Variants in RPH3A observed in about 807,000 individuals in gnomAD.
RPH3A encodes rabphilin 3A, also known as rabphilin-3A.
RPH3A carries 48 observed loss-of-function variants against 102.2 expected under a neutral mutation model. That is an observed-to-expected ratio of 0.47 (90% CI 0.37 to 0.60). The LOEUF is 0.60. Among genes scored for constraint, RPH3A ranks in the 20% least tolerant of loss-of-function variants. RPH3A has a pLI of 0.00. For missense variants in RPH3A, 781 were observed against 910.1 expected (o/e 0.86, Z 1.83); for synonymous variants, 310 against 324.3 (o/e 0.96, Z 0.47).
intron 2 of RPH3A, 47 bp from the exon 3 acceptor site, chr12:112,828,254 G>A: frequency 3.1e-6 from 4 of 1,307,834 alleles, no homozygotes; most frequent in Non-Finnish European, 3.3e-6. Flanking sequence ...GAACTAAGGA[G>A]TGGCTGAATG....
intron 1 of RPH3A, among the ~76,000 whole-genome samples, chr12:112,611,626 A>G (rs538703252): frequency 1.3e-5 from 2 of 152,080 alleles, no homozygotes; most frequent in Middle Eastern, 3.4e-3. Context: ...TTTGGTAGAG[A>G]TTGGGAGGGG....
At chr12:112,888,429 A>G (rs1030782349) in intron 17 of RPH3A, among the ~76,000 whole-genome samples, 1 of 152,276 alleles carries the variant, frequency 6.6e-6, no homozygotes, top group African/African-American at 2.4e-5. Context: ...CCTGTCAGTC[A>G]TGAAGTCAGA....
intron 10 of RPH3A, among the ~76,000 whole-genome samples, chr12:112,873,433 T>G (rs1317717668): frequency 6.6e-6 from 1 of 152,158 alleles, no homozygotes; most frequent in Non-Finnish European, 1.5e-5. Context: ...TAAAACAAAT[T>G]CCCAGTAAAA....
At chr12:112,805,037 A>C (rs573916440) in intron 2 of RPH3A, among the ~76,000 whole-genome samples, 6,632 of 152,150 alleles carry the variant, frequency 0.044, 460 homozygotes, top group African/African-American at 0.15. Flanking sequence ...TAGAAAAAAC[A>C]AACAAACAAA....
chr12:112,824,156 G>A (rs2041828361), intron 2 of RPH3A, among the ~76,000 whole-genome samples: 1 of 152,214 alleles, frequency 6.6e-6, no homozygotes. Flanking sequence ...AGCTAGGCGA[G>A]GGCGTGGCTT....
intron 1 of RPH3A, among the ~76,000 whole-genome samples, chr12:112,741,480 G>T (rs1447590365): frequency 2.0e-5 from 3 of 152,178 alleles, no homozygotes; most frequent in Non-Finnish European, 4.4e-5. Flanking sequence ...TAGACATAGA[G>T]CTGTCTTTGT....
At chr12:112,883,133 A>G (rs1006065990) in intron 15 of RPH3A, among the ~76,000 whole-genome samples, 160 bp from the exon 16 acceptor site, 4 of 152,152 alleles carry the variant, frequency 2.6e-5, no homozygotes, top group Non-Finnish European at 5.9e-5. Context: ...CCTAGAGGAC[A>G]TCCCCCACTC....
rs545698875 is a variant in RPH3A, at chr12:112,892,176, T to C, written c.1775+1173T>C. ...TCTCCATGGAGCATGGAGTCTCCAG[T>C]ATGCTCTAGCTATGTGACCTGGGGC... On this transcript the variant is annotated intron_variant, in intron 19 of 21. Transcript: ENST00000389385. 3.3e-5 allele frequency among the ~76,000 whole-genome samples: 5 copies of C among 152,290 alleles called. No homozygotes were observed. The South Asian group carries it at 8.3e-4, about 25-fold the overall frequency.
chr12:112,780,770 C>A (rs944445362), intron 1 of RPH3A, among the ~76,000 whole-genome samples: 5 of 152,160 alleles, frequency 3.3e-5, no homozygotes, highest in African/African-American at 9.7e-5. Flanking sequence ...GCTCCCTATG[C>A]GGGTATCAGA....
intron 1 of RPH3A, among the ~76,000 whole-genome samples, chr12:112,710,166 C>T (rs57044907): frequency 0.031 from 4,786 of 152,088 alleles, 270 homozygotes; most frequent in African/African-American, 0.11. Context: ...TTAGTAGAGA[C>T]GGGGTTTCAC....
intron 1 of RPH3A, among the ~76,000 whole-genome samples, chr12:112,650,536 A>T (rs2039966117): frequency 6.6e-6 from 1 of 151,912 alleles, no homozygotes; most frequent in African/African-American, 2.4e-5. Flanking sequence ...CAAAAGTTGA[A>T]TTTTTCTCAT....
rs777591556 is a variant in RPH3A, at chr12:112,890,052, C to G, written c.1592C>G (p.Ala531Gly). Residue 531 changes from alanine (A) to glycine (G), a missense_variant, in exon 18 of 22, where the codon GCC (alanine) becomes GGC (glycine). Transcript: ENST00000389385. The part of the protein sequence containing the change: ...PMKRAGTTGS[A>G]RGMALYEEEQ... ...AAACGTGCTGGGACCACCGGGTCAG[C>G]CCGAGGCATGGCCCTTTATGAGGAA... The G allele has an allele frequency of 6.2e-7, 1 of 1,613,624 alleles. No homozygotes were observed. Among genetic ancestry groups the G allele is most frequent in the Admixed American group, 1.7e-5 (1 of 60,028 alleles).
chr12:112,786,651 C>T (rs1012680025), intron 1 of RPH3A, among the ~76,000 whole-genome samples: 2 of 152,204 alleles, frequency 1.3e-5, no homozygotes, highest in Non-Finnish European at 2.9e-5. Context: ...TTGTAGGGCA[C>T]ACACATGGTA....
intron 19 of RPH3A, among the ~76,000 whole-genome samples, chr12:112,891,573 G>C (rs1166115492): frequency 6.6e-6 from 1 of 152,196 alleles, no homozygotes; most frequent in East Asian, 1.9e-4. Flanking sequence ...AGGGAGTCAG[G>C]GGAGAAAGGG....
At chr12:112,706,555 C>T (rs1319894265) in intron 1 of RPH3A, among the ~76,000 whole-genome samples, 8 of 152,144 alleles carry the variant, frequency 5.3e-5, no homozygotes, top group South Asian at 2.1e-4. Context: ...AAATCAGGCA[C>T]TTCAACAAAT....
intron 1 of RPH3A, among the ~76,000 whole-genome samples, chr12:112,592,756 G>C (rs1035917880): frequency 1.3e-5 from 2 of 152,204 alleles, no homozygotes; most frequent in Non-Finnish European, 2.9e-5. Context: ...CTGTGGCAGA[G>C]ACAATAATGT....
intron 5 of RPH3A, among the ~76,000 whole-genome samples, chr12:112,849,571 A>C (rs1028196569): frequency 3.9e-5 from 6 of 152,212 alleles, no homozygotes; most frequent in African/African-American, 1.2e-4. Flanking sequence ...ACTTACCACC[A>C]GCTATCACAT....
intron 1 of RPH3A, among the ~76,000 whole-genome samples, chr12:112,727,962 C>T (rs951081134): frequency 2.6e-5 from 4 of 152,082 alleles, no homozygotes; most frequent in African/African-American, 9.7e-5. Context: ...CCCAATAGTC[C>T]AGTATATAAA....
intron 5 of RPH3A, among the ~76,000 whole-genome samples, chr12:112,848,790 G>C (rs1181960008): frequency 6.6e-6 from 1 of 152,102 alleles, no homozygotes; most frequent in Non-Finnish European, 1.5e-5. Context: ...GGAGTGGCAT[G>C]GGTGTGGGCT....
Sources: gnomAD v4.1 joint callset for allele counts (sites outside exome capture counted in the v4.1 genomes callset) on GRCh38, gnomAD v4.1.1 for gene constraint, MANE v1.5 for transcripts, NCBI Gene and HGNC (gene_info 2026-07-23, HGNC 2026-07-21) for gene names.